The following PKHD1 variants were observed in gnomAD, a reference collection of about 807,000 sequenced individuals.
The protein encoded by PKHD1 is fibrocystin.
In PKHD1, 291 loss-of-function variants were observed where a neutral mutation model predicts 412.0. The observed-to-expected ratio is 0.71, with a 90% CI of 0.64 to 0.78. The LOEUF (loss-of-function observed/expected upper bound fraction) is 0.78. Among genes scored for constraint, PKHD1 ranks in the 30% least tolerant of loss-of-function variants. PKHD1 has a pLI of 0.00. For synonymous variants in PKHD1, 1,777 were observed against 1,821.5 expected (o/e 0.98, Z 0.62); for missense variants, 4,825 against 4,950.7 (o/e 0.97, Z 0.76).
intron 65 of PKHD1, among the ~76,000 whole-genome samples, chr6:51,629,865 G>T (rs1313874800): frequency 6.6e-6 from 1 of 152,032 alleles, no homozygotes. Context: ...TTCTAAAACA[G>T]AAACAACTTA....
intron 63 of PKHD1, among the ~76,000 whole-genome samples, chr6:51,646,629 T>C (rs1770118817): frequency 6.6e-6 from 1 of 152,168 alleles, no homozygotes; most frequent in African/African-American, 2.4e-5. Flanking sequence ...TCATAAAAAC[T>C]CTTGCTTTTT....
chr6:51,661,864 C>A (rs2150430610), intron 60 of PKHD1, among the ~76,000 whole-genome samples: 1 of 152,024 alleles, frequency 6.6e-6, no homozygotes, highest in Admixed American at 6.6e-5. Context: ...ATCAAATTAT[C>A]TTTAATGTAG....
chr6:52,004,530 T>C (rs1437823343), intron 35 of PKHD1, among the ~76,000 whole-genome samples: 1 of 152,216 alleles, frequency 6.6e-6, no homozygotes, highest in African/African-American at 2.4e-5. Context: ...AGGTTCTTGA[T>C]TGTATGCTGG....
At chr6:52,086,522 A>G (rs1812821707) in intron 1 of PKHD1, among the ~76,000 whole-genome samples, 1 of 152,188 alleles carries the variant, frequency 6.6e-6, no homozygotes, top group Non-Finnish European at 1.5e-5. Context: ...ATCTGCAAAA[A>G]CTTTGCAATA....
chr6:51,724,822 T>C (rs1782371181), intron 60 of PKHD1, among the ~76,000 whole-genome samples: 2 of 152,154 alleles, frequency 1.3e-5, no homozygotes, highest in Non-Finnish European at 2.9e-5. Context: ...CTAGGGATAT[T>C]TGACTACAGT....
chr6:51,937,382 A>C (rs1007576384), intron 36 of PKHD1, among the ~76,000 whole-genome samples: 1 of 152,232 alleles, frequency 6.6e-6, no homozygotes, highest in Non-Finnish European at 1.5e-5. Flanking sequence ...ACTGTGCCCC[A>C]GGCCATGGTC....
At chr6:51,743,484 C>G (rs941220712) in intron 60 of PKHD1, among the ~76,000 whole-genome samples, 3 of 152,088 alleles carry the variant, frequency 2.0e-5, no homozygotes, top group African/African-American at 7.2e-5. Context: ...TACTATCTTT[C>G]CAAGTAAAGT....
chr6:51,729,039 T>C (rs1032321204), intron 60 of PKHD1, among the ~76,000 whole-genome samples: 2 of 152,374 alleles, frequency 1.3e-5, no homozygotes, highest in South Asian at 2.1e-4. Flanking sequence ...CCTACAGATA[T>C]GGATAGGCTG....
intron 60 of PKHD1, among the ~76,000 whole-genome samples, chr6:51,730,211 A>G (rs1274810340): frequency 1.3e-5 from 2 of 152,094 alleles, no homozygotes; most frequent in East Asian, 3.8e-4. Context: ...ATTCTTTAAG[A>G]AGTTTTAATT....
At chr6:51,626,511 T>C (rs1050299004) in intron 66 of PKHD1, among the ~76,000 whole-genome samples, 3 of 152,130 alleles carry the variant, frequency 2.0e-5, no homozygotes, top group Admixed American at 6.6e-5. Context: ...TAACACACCA[T>C]AGAGGCAAAT....
At chr6:51,868,235 GA>G in intron 47 of PKHD1, 126 bp from the exon 48 acceptor site, 2 of 890,178 alleles carry the variant, frequency 2.2e-6, no homozygotes, top group Admixed American at 2.1e-5. Flanking sequence ...ATTCATGCAA[GA>G]AAAAAAGTGT....
chr6:51,885,599 T>A (rs756250538), intron 45 of PKHD1, among the ~76,000 whole-genome samples: 2 of 152,176 alleles, frequency 1.3e-5, no homozygotes, highest in Non-Finnish European at 2.9e-5. Flanking sequence ...ATCTTTATGA[T>A]TCTGTTGTTC....
rs578001631 is a variant in PKHD1 at position 51,640,408 on chromosome 6, C to G, written c.11399-1452G>C. On this transcript the variant is annotated intron_variant, in intron 63 of 66. Coordinates refer to ENST00000371117, the MANE Select transcript of PKHD1 (RefSeq NM_138694.4). ...TTCCCATATATATCTATGATATTCTCAGATTTGAAGCATATGTGCTCAAAA... is the reference window on the plus strand; with the variant it reads ...TTCCCATATATATCTATGATATTCTGAGATTTGAAGCATATGTGCTCAAAA... 8.5e-5 allele frequency among the ~76,000 whole-genome samples: 13 copies of G among 152,330 alleles called. No individual in the cohort carries two copies. The South Asian group carries it at 2.7e-3, about 32-fold the overall frequency.
intron 58 of PKHD1, among the ~76,000 whole-genome samples, chr6:51,747,228 A>T (rs145586832): frequency 6.6e-6 from 1 of 152,352 alleles, no homozygotes; most frequent in African/African-American, 2.4e-5. Flanking sequence ...CAATGGTGGT[A>T]CAAGAGATCT....
chr6:51,725,344 T>C (rs1782442831), intron 60 of PKHD1, among the ~76,000 whole-genome samples: 2 of 152,226 alleles, frequency 1.3e-5, no homozygotes, highest in Non-Finnish European at 2.9e-5. Context: ...GGTATTTTCA[T>C]GTCCAAGGCA....
chr6:52,073,680 A>ATT (rs1810966541), intron 6 of PKHD1, 139 bp from the exon 7 acceptor site: 3 of 670,550 alleles, frequency 4.5e-6, no homozygotes, highest in Non-Finnish European at 8.0e-6. Flanking sequence ...CTTTTAATAA[A>ATT]TTGTACAACA....
intron 37 of PKHD1, among the ~76,000 whole-genome samples, chr6:51,933,866 C>T (rs1055909254): frequency 6.6e-6 from 1 of 152,192 alleles, no homozygotes. Context: ...CACTGAAAGT[C>T]ACCTAACAGT....
At chr6:51,950,380 G>A (rs1380114651) in intron 36 of PKHD1, among the ~76,000 whole-genome samples, 1 of 151,950 alleles carries the variant, frequency 6.6e-6, no homozygotes, top group Non-Finnish European at 1.5e-5. Flanking sequence ...ATTCAATGTG[G>A]CCAGCCAAGT....
intron 35 of PKHD1, among the ~76,000 whole-genome samples, chr6:51,974,165 A>G (rs1794051486): frequency 6.6e-6 from 1 of 152,218 alleles, no homozygotes; most frequent in Non-Finnish European, 1.5e-5. Flanking sequence ...CCCCCTCTCC[A>G]GAAGAAGTTT....
Sources: gnomAD v4.1 joint callset for allele counts (sites outside exome capture counted in the v4.1 genomes callset) on GRCh38, gnomAD v4.1.1 for gene constraint, MANE v1.5 for transcripts, NCBI Gene and HGNC (gene_info 2026-07-23, HGNC 2026-07-21) for gene names.